The following RDX variants were observed in gnomAD, a reference collection of about 807,000 sequenced individuals.
The protein encoded by RDX is deafness, autosomal recessive 24.
In RDX, 32 loss-of-function variants were observed where a neutral mutation model predicts 83.7. The ratio of observed to expected loss-of-function variants is 0.38; its 90% CI spans 0.29 to 0.51. RDX has a LOEUF of 0.51. RDX is among the 20% of genes least tolerant of loss of function. The pLI is 0.87. For synonymous variants in RDX, 229 were observed against 222.7 expected (o/e 1.03, Z -0.25); for missense variants, 600 against 689.9 (o/e 0.87, Z 1.46).
At chr11:110,176,690 G>A (rs1025811314) in intron 15 of RDX, among the ~76,000 whole-genome samples, 8 of 152,180 alleles carry the variant, frequency 5.3e-5, no homozygotes, top group Non-Finnish European at 7.3e-5. Context: ...GGTGGCGCAG[G>A]GAATATTTTA....
At chr11:110,254,650 A>G (rs1372601000) in intron 8 of RDX, among the ~76,000 whole-genome samples, 1 of 151,718 alleles carries the variant, frequency 6.6e-6, no homozygotes, top group Non-Finnish European at 1.5e-5. Context: ...TAATATTTGT[A>G]TTTTCAGTAG....
At chr11:110,234,586 T>C (rs1044943953) in intron 12 of RDX, among the ~76,000 whole-genome samples, 4 of 152,194 alleles carry the variant, frequency 2.6e-5, no homozygotes, top group African/African-American at 9.6e-5. Flanking sequence ...TTTGTGTGCA[T>C]TTTCTAATTT....
chr11:110,217,760 T>C (rs79167321), intron 14 of RDX, among the ~76,000 whole-genome samples: 2,839 of 152,212 alleles, frequency 0.019, 94 homozygotes, highest in African/African-American at 0.064. Flanking sequence ...AGGGAGATGG[T>C]ACTTGTTCCT....
Position 110,254,149 on chromosome 11 carries a change from G to C in RDX, c.796-40C>G, listed in dbSNP as rs1464411116. On this transcript the variant is annotated intron_variant, in intron 8 of 13. Coordinates refer to ENST00000645495, the MANE Select transcript of RDX (RefSeq NM_002906.4). ...TTCTGAATTTAAAATCTTCCTCAAGGATACTGTCTCTCATAACAATCTGTA... is the reference window on the plus strand; with the variant it reads ...TTCTGAATTTAAAATCTTCCTCAAGCATACTGTCTCTCATAACAATCTGTA... 2.6e-6 allele frequency: 4 copies of C among 1,541,548 alleles called. No individual in the cohort carries two copies. The African/African-American group carries it at 5.5e-5, about 21-fold the overall frequency.
At chr11:110,201,540 C>A (rs936431456) in intron 14 of RDX, among the ~76,000 whole-genome samples, 21 of 126,892 alleles carry the variant, frequency 1.7e-4, no homozygotes, top group African/African-American at 5.5e-4. Context: ...GATTAGATGA[C>A]AGTATTTTAG....
In RDX at chr11:110,204,514, C is replaced by CT. The variant is rs577737066; in HGVS notation, c.1749-4837dup. Among the ~76,000 whole-genome samples the CT allele has an allele frequency of 7.4e-3, 793 of 107,682 alleles. 4 individuals carry two copies. Among genetic ancestry groups the CT allele is most frequent in the Non-Finnish European group, 9.4e-3 (519 of 55,306 alleles). The allele number at this position is 107,682 out of a possible 152,430, so 70.6% of individuals were successfully genotyped here. A position where few individuals can be genotyped will look rare whatever the true frequency, so the allele number is the denominator to read the frequency against. The stretch of plus-strand genomic sequence containing the variant: ...TACTTTTCTTTCTTTTTTTTTTTTC[C>CT]TTTTTTTTTTTTTTTTTTTGAGACA... On this transcript the variant is annotated intron_variant, in intron 14 of 15. Transcript: ENST00000528498.
Position 110,206,756 on chromosome 11 carries a change from T to G in RDX, c.1749-7078A>C, listed in dbSNP as rs939932138. 6.6e-5 allele frequency among the ~76,000 whole-genome samples: 10 copies of G among 152,312 alleles called. No homozygotes were observed. The East Asian group carries it at 1.9e-3, about 29-fold the overall frequency. On this transcript the variant is annotated intron_variant, in intron 14 of 15. Coordinates refer to the RDX transcript ENST00000528498. ...TACAATAGATGGGGAAGTTATGAAT[T>G]TTGTTCCAAATATCTTTGGTCTTTG...
In RDX at chr11:110,231,911, T is replaced by C; in HGVS notation, c.1710A>G (p.Gln570=). 6.2e-7 allele frequency: 1 copy of C among 1,613,466 alleles called. No homozygotes were observed. The highest frequency in any genetic ancestry group is 8.5e-7 in the Non-Finnish European group (1 of 1,180,000). The part of the protein sequence containing the change: ...DKYKTLRQIR[Q]GNTKQRIDEF... ...CATCGATACGCTGCTTTGTATTGCC[T>C]TGTCGAATCTGTCGCAGAGTCTTGT... Residue 570 remains glutamine, a synonymous_variant, in exon 14 of 14, where the codon CAA becomes CAG. Transcript: ENST00000645495.
intron 3 of RDX, 114 bp from the exon 4 acceptor site, chr11:110,264,988 T>C: frequency 4.5e-6 from 3 of 668,682 alleles, no homozygotes; most frequent in Non-Finnish European, 5.1e-6. Context: ...GTATATTCCT[T>C]TGCCATAGAA....
intron 14 of RDX, among the ~76,000 whole-genome samples, chr11:110,222,984 A>G (rs564566084): frequency 6.6e-6 from 1 of 152,362 alleles, no homozygotes; most frequent in African/African-American, 2.4e-5. Flanking sequence ...AATGGGATTA[A>G]AAAGTAAACT....
intron 15 of RDX, among the ~76,000 whole-genome samples, chr11:110,189,195 A>G (rs1449590212): frequency 7.1e-6 from 1 of 140,212 alleles, no homozygotes; most frequent in Admixed American, 7.9e-5. Context: ...CGAGAGCAGG[A>G]GCCAATAGTT....
intron 14 of RDX, among the ~76,000 whole-genome samples, chr11:110,200,013 G>A (rs1406279784): frequency 6.6e-6 from 1 of 152,122 alleles, no homozygotes; most frequent in Non-Finnish European, 1.5e-5. Context: ...AGAATAGTAG[G>A]TCTTGTCTTA....
chr11:110,267,515 AACACACACACACACACACACACAC>A (rs71053877), intron 3 of RDX, among the ~76,000 whole-genome samples: 21 of 131,454 alleles, frequency 1.6e-4, no homozygotes, highest in South Asian at 2.7e-4. Context: ...TCCGTCTCAA[AACACACACACACACACACACACAC>A]ACACACACAC....
chr11:110,219,792 T>C (rs1251834581), intron 14 of RDX, among the ~76,000 whole-genome samples: 1 of 152,286 alleles, frequency 6.6e-6, no homozygotes, highest in East Asian at 1.9e-4. Context: ...TTATTAGATA[T>C]CAAACTGGAA....
intron 7 of RDX, 93 bp downstream of exon 7, chr11:110,257,674 A>G: frequency 1.5e-6 from 2 of 1,315,924 alleles, no homozygotes; most frequent in East Asian, 2.3e-5. Flanking sequence ...AGGGTAATCA[A>G]GACAAGAAAC....
intron 14 of RDX, among the ~76,000 whole-genome samples, chr11:110,206,312 C>T (rs879529775): frequency 6.8e-6 from 1 of 147,564 alleles, no homozygotes; most frequent in Non-Finnish European, 1.5e-5. Context: ...ATTGGGGGAA[C>T]TGATAAATTG....
intron 14 of RDX, among the ~76,000 whole-genome samples, chr11:110,200,110 G>A (rs989797898): frequency 2.1e-4 from 32 of 152,176 alleles, no homozygotes; most frequent in African/African-American, 5.5e-4. Flanking sequence ...TTGATTAACC[G>A]AGGCATTGTT....
intron 14 of RDX, among the ~76,000 whole-genome samples, chr11:110,206,437 CA>C (rs1035010470): frequency 2.8e-5 from 4 of 145,426 alleles, no homozygotes; most frequent in South Asian, 4.4e-4. Context: ...TCACGAATTA[CA>C]AAAAAAAAAC....
At chr11:110,274,503 A>T (rs1219722189) in intron 2 of RDX, among the ~76,000 whole-genome samples, 1 of 152,154 alleles carries the variant, frequency 6.6e-6, no homozygotes, top group Non-Finnish European at 1.5e-5. Context: ...ACGAAAATTC[A>T]TCAACTACAC....
Sources: allele counts gnomAD v4.1 joint callset (sites outside exome capture counted in the v4.1 genomes callset), GRCh38; gene constraint gnomAD v4.1.1; transcripts MANE v1.5; gene names NCBI Gene and HGNC (gene_info 2026-07-23, HGNC 2026-07-21).